The following EPHA6 variants were observed in gnomAD, a reference collection of about 807,000 sequenced individuals.
EPHA6 encodes ephrin type-A receptor 6.
Under a neutral mutation model 112.0 loss-of-function variants are expected in EPHA6, and 50 were observed. The observed-to-expected ratio is 0.45, with a 90% CI of 0.36 to 0.56. The LOEUF (loss-of-function observed/expected upper bound fraction) is 0.56, where lower values mean the gene tolerates loss of function less well. Among genes scored for constraint, EPHA6 ranks in the 20% least tolerant of loss-of-function variants. EPHA6 has a pLI of 0.00. For synonymous variants in EPHA6, 529 were observed against 490.7 expected (o/e 1.08, Z -1.03); for missense variants, 1,280 against 1,417.4 (o/e 0.90, Z 1.56).
chr3:97,583,910 T>C (rs2093464716), intron 11 of EPHA6, among the ~76,000 whole-genome samples: 1 of 152,176 alleles, frequency 6.6e-6, no homozygotes, highest in Admixed American at 6.5e-5. Context: ...TGGAAGGACA[T>C]GTTTTTTCAA....
In EPHA6 at chr3:97,757,814, T is replaced by C. The variant is rs2036062319; in HGVS notation, c.*9113T>C. Among the ~76,000 whole-genome samples the C allele has an allele frequency of 6.6e-6, 1 of 151,914 alleles. No individual in the cohort carries two copies. The highest frequency in any genetic ancestry group is 1.5e-5 in the Non-Finnish European group (1 of 67,804). Reference sequence around the variant, plus strand: ...GCCTTCTCTTTCCAGTTGTTTTAAGTATTTTAAAAAAGAGCCATTGTATTT... The same window carrying C: ...GCCTTCTCTTTCCAGTTGTTTTAAGCATTTTAAAAAAGAGCCATTGTATTT... On this transcript the variant is annotated 3_prime_UTR_variant, in exon 18 of 18. Coordinates refer to ENST00000389672, the MANE Select transcript of EPHA6 (RefSeq NM_001080448.3).
chr3:97,117,496 T>C (rs1388976335), intron 3 of EPHA6, among the ~76,000 whole-genome samples: 1 of 151,790 alleles, frequency 6.6e-6, no homozygotes, highest in Non-Finnish European at 1.5e-5. Flanking sequence ...TATTTGTATA[T>C]TGAGTGATAT....
chr3:97,547,259 C>A (rs1040308464), intron 11 of EPHA6, among the ~76,000 whole-genome samples: 1 of 152,134 alleles, frequency 6.6e-6, no homozygotes, highest in Non-Finnish European at 1.5e-5. Flanking sequence ...GATGTCCTTT[C>A]TGTTTTTTAG....
At chr3:97,132,715 A>G (rs1422355217) in intron 3 of EPHA6, among the ~76,000 whole-genome samples, 2 of 152,104 alleles carry the variant, frequency 1.3e-5, no homozygotes, top group African/African-American at 4.8e-5. Flanking sequence ...TTGAGAATAC[A>G]AAGCTGAACA....
At chr3:96,835,375 T>G (rs1467605882) in intron 1 of EPHA6, among the ~76,000 whole-genome samples, 1 of 152,054 alleles carries the variant, frequency 6.6e-6, no homozygotes, top group Non-Finnish European at 1.5e-5. Flanking sequence ...CAAGAAAGAC[T>G]TTGTATAGGA....
chr3:97,068,303 A>C (rs528114395), intron 3 of EPHA6, among the ~76,000 whole-genome samples: 1 of 152,224 alleles, frequency 6.6e-6, no homozygotes, highest in South Asian at 2.1e-4. Context: ...GAAAATTCTA[A>C]AAGTAAACGA....
intron 9 of EPHA6, among the ~76,000 whole-genome samples, chr3:97,480,334 ATG>A (rs1364859690): frequency 6.6e-6 from 1 of 152,078 alleles, no homozygotes; most frequent in Non-Finnish European, 1.5e-5. Flanking sequence ...GCAGATAAAC[ATG>A]TGAACAAGGG....
intron 5 of EPHA6, among the ~76,000 whole-genome samples, chr3:97,404,797 A>G (rs1200273621): frequency 1.3e-5 from 2 of 152,152 alleles, no homozygotes; most frequent in Non-Finnish European, 2.9e-5. Flanking sequence ...CAGTAGATCA[A>G]TATTTGATAA....
At chr3:96,938,359 T>C (rs1033856075) in intron 2 of EPHA6, among the ~76,000 whole-genome samples, 17 of 151,228 alleles carry the variant, frequency 1.1e-4, no homozygotes, top group African/African-American at 4.1e-4. Context: ...TATTTTATTC[T>C]CTTTGAAGCA....
At chr3:97,407,003 CTG>C (rs1378526903) in intron 6 of EPHA6, among the ~76,000 whole-genome samples, 1 of 152,026 alleles carries the variant, frequency 6.6e-6, no homozygotes, top group Non-Finnish European at 1.5e-5. Flanking sequence ...AAATATTTCT[CTG>C]TGTTTTATAA....
chr3:97,741,050 A>G (rs753677884), intron 16 of EPHA6, among the ~76,000 whole-genome samples: 6 of 152,140 alleles, frequency 3.9e-5, no homozygotes, highest in Non-Finnish European at 8.8e-5. Flanking sequence ...CTATTTGCCC[A>G]TTAGAAAAAT....
chr3:96,830,800 CAG>C (rs748712994), intron 1 of EPHA6, among the ~76,000 whole-genome samples: 119 of 151,914 alleles, frequency 7.8e-4, no homozygotes, highest in South Asian at 2.3e-3. Flanking sequence ...ACATTGATCA[CAG>C]GGTATATAGT....
chr3:96,871,127 G>A (rs1034347466), intron 2 of EPHA6, among the ~76,000 whole-genome samples: 7 of 151,838 alleles, frequency 4.6e-5, no homozygotes, highest in Non-Finnish European at 7.4e-5. Flanking sequence ...CTAAACACCC[G>A]TCATGTTAAT....
At chr3:97,482,437 T>C (rs1352765148) in intron 9 of EPHA6, among the ~76,000 whole-genome samples, 2 of 152,348 alleles carry the variant, frequency 1.3e-5, no homozygotes, top group East Asian at 3.9e-4. Flanking sequence ...TTTTCTTCAA[T>C]GGATGCTTTG....
chr3:97,603,204 TA>T (rs2093656108), intron 12 of EPHA6, among the ~76,000 whole-genome samples: 1 of 152,100 alleles, frequency 6.6e-6, no homozygotes, highest in East Asian at 1.9e-4. Context: ...CACTTTTAGT[TA>T]AGAAGAAACC....
chr3:97,350,998 C>T (rs1452326752), intron 5 of EPHA6, among the ~76,000 whole-genome samples: 1 of 152,112 alleles, frequency 6.6e-6, no homozygotes, highest in African/African-American at 2.4e-5. Context: ...CCTGCTCAGC[C>T]TATTTGGTCT....
At chr3:96,852,538 G>T (rs1444269398) in intron 1 of EPHA6, among the ~76,000 whole-genome samples, 1 of 147,694 alleles carries the variant, frequency 6.8e-6, no homozygotes, top group East Asian at 2.1e-4. Context: ...GGTGTTCTCA[G>T]TTACCTTGGT....
At chr3:97,478,554 G>A (rs960796218) in intron 8 of EPHA6, among the ~76,000 whole-genome samples, 1 of 151,712 alleles carries the variant, frequency 6.6e-6, no homozygotes, top group African/African-American at 2.4e-5. Flanking sequence ...AACATTCCAT[G>A]CAATGAAGAG....
At chr3:97,016,552 A>G (rs1209646993) in intron 3 of EPHA6, among the ~76,000 whole-genome samples, 2 of 152,226 alleles carry the variant, frequency 1.3e-5, no homozygotes, top group African/African-American at 2.4e-5. Context: ...CTTATTTATA[A>G]TAGCTCTATT....
Sources: gnomAD v4.1 joint callset for allele counts (sites outside exome capture counted in the v4.1 genomes callset) on GRCh38, gnomAD v4.1.1 for gene constraint, MANE v1.5 for transcripts, NCBI Gene and HGNC (gene_info 2026-07-23, HGNC 2026-07-21) for gene names.